Variants in COQ10B observed in about 807,000 individuals in gnomAD.
The protein encoded by COQ10B is coenzyme Q-binding protein COQ10 homolog B, mitochondrial.
COQ10B carries 12 observed loss-of-function variants against 27.6 expected under a neutral mutation model. That is an observed-to-expected ratio of 0.43 (90% CI 0.28 to 0.70). The LOEUF is 0.70. Ranked by LOEUF, COQ10B falls within the 30% of genes least tolerant of loss-of-function variation. The pLI is 0.17. For synonymous variants in COQ10B, 115 were observed against 103.0 expected (o/e 1.12, Z -0.71); for missense variants, 278 against 288.7 (o/e 0.96, Z 0.27).
At position 197,474,403 on chromosome 2, in the gene COQ10B, G is replaced by C. The variant is rs1366189259; in HGVS notation, c.*479G>C. ...ATCATATATTTAAAGTAAAAACTTT[G>C]GGCTGGGCACAGTGGCTCACACCTG... On this transcript the variant is annotated 3_prime_UTR_variant, in exon 5 of 5. Transcript: ENST00000263960. 6.6e-6 allele frequency: 1 copy of C among 152,198 alleles called. No individual in the cohort carries two copies. Among genetic ancestry groups the C allele is most frequent in the African/African-American group, 2.4e-5 (1 of 41,410 alleles). 9.4% of individuals were successfully genotyped at this position (152,198 alleles called of 1,614,324 possible).
At chr2:197,472,187 T>C (rs1010709870) in intron 4 of COQ10B, among the ~76,000 whole-genome samples, 1 of 152,102 alleles carries the variant, frequency 6.6e-6, no homozygotes, top group Non-Finnish European at 1.5e-5. Context: ...ATAAACATTT[T>C]AATATTTAGA....
At chr2:197,457,610 G>A (rs1424605086) in intron 1 of COQ10B, among the ~76,000 whole-genome samples, 3 of 150,852 alleles carry the variant, frequency 2.0e-5, no homozygotes, top group Non-Finnish European at 4.4e-5. Flanking sequence ...CAGTTTATGT[G>A]TCTTTTCAAT....
At position 197,465,321 on chromosome 2, in the gene COQ10B, G is replaced by A. The variant is rs568575833; in HGVS notation, c.447+2590G>A. ...TTTTTTTCCTTTGAGACAGAGTCTTGCTCTGTTGCCCAGGCTGCAGTACAG... is the reference window on the plus strand; with the variant it reads ...TTTTTTTCCTTTGAGACAGAGTCTTACTCTGTTGCCCAGGCTGCAGTACAG... On this transcript the variant is annotated intron_variant, in intron 3 of 4. Coordinates refer to ENST00000263960, the MANE Select transcript of COQ10B (RefSeq NM_025147.5). 5.0e-5 allele frequency among the ~76,000 whole-genome samples: 7 copies of A among 140,714 alleles called. No homozygotes were observed. The East Asian group carries it at 1.3e-3, about 26-fold the overall frequency. 92.3% of individuals were successfully genotyped at this position (140,714 alleles called of 152,430 possible). A position where few individuals can be genotyped will look rare whatever the true frequency, so the allele number is the denominator to read the frequency against.
intron 1 of COQ10B, among the ~76,000 whole-genome samples, chr2:197,456,786 AT>A (rs1238312056): frequency 1.3e-5 from 2 of 152,114 alleles, no homozygotes; most frequent in Admixed American, 6.6e-5. Flanking sequence ...TAAGTAAAAA[AT>A]AAATTAAAAA....
In COQ10B at chr2:197,473,415, A is replaced by AAAT. The variant is rs1229206676; in HGVS notation, c.550-341_550-340insATA. On this transcript the variant is annotated intron_variant, in intron 4 of 4. Coordinates refer to ENST00000263960, the MANE Select transcript of COQ10B (RefSeq NM_025147.5). ...CGCCCCCCCCCACAAAAAAAAAAAA[A>AAAT]ATATATATATATATATATATATATA... 8.6e-3 allele frequency among the ~76,000 whole-genome samples: 510 copies of AAAT among 59,422 alleles called. 6 individuals are homozygous for AAAT. The highest frequency in any genetic ancestry group is 0.012 in the Non-Finnish European group (417 of 34,144). 39.0% of individuals were successfully genotyped at this position (59,422 alleles called of 152,430 possible).
intron 1 of COQ10B, chr2:197,454,187 A>C: frequency 6.8e-7 from 1 of 1,472,326 alleles, no homozygotes; most frequent in Non-Finnish European, 9.2e-7. Context: ...GGATTTTTTC[A>C]CTCTGCTGTA....
At chr2:197,466,370 C>T (rs1393497637) in intron 3 of COQ10B, among the ~76,000 whole-genome samples, 1 of 152,178 alleles carries the variant, frequency 6.6e-6, no homozygotes, top group African/African-American at 2.4e-5. Context: ...TTCTCTCTTT[C>T]CTTTCATATT....
chr2:197,468,036 A>G (rs1040694685), intron 3 of COQ10B, among the ~76,000 whole-genome samples: 81 of 152,222 alleles, frequency 5.3e-4, no homozygotes, highest in African/African-American at 1.8e-3. Context: ...CTCTGCTCTT[A>G]GAAATGAGGT....
At chr2:197,464,139 G>A (rs914921305) in intron 3 of COQ10B, among the ~76,000 whole-genome samples, 3 of 148,326 alleles carry the variant, frequency 2.0e-5, no homozygotes, top group African/African-American at 7.5e-5. Context: ...CCAAGTACCA[G>A]GTACTGAAAT....
intron 3 of COQ10B, among the ~76,000 whole-genome samples, chr2:197,463,996 T>TATATAC (rs1553574096): frequency 3.0e-5 from 1 of 32,852 alleles, no homozygotes; most frequent in Non-Finnish European, 5.0e-5. Flanking sequence ...TATATATATA[T>TATATAC]ACACACACAC....
Position 197,454,018 on chromosome 2 carries a change from G to A in COQ10B, c.104+354G>A, listed in dbSNP as rs570079327. 15 of 1,551,246 alleles carry A rather than the reference G, an allele frequency of 9.7e-6. No individual in the cohort carries two copies. In the South Asian group the frequency reaches 1.7e-4, roughly 17 times the overall value. ...TTAACTTTGCGCAGAAGGGTTGCCG[G>A]CTGCTGGCTGTATGGGAGTTTGTGT... is the stretch of plus-strand genomic sequence containing the variant. On this transcript the variant is annotated intron_variant, in intron 1 of 4. Coordinates refer to ENST00000263960, the MANE Select transcript of COQ10B (RefSeq NM_025147.5).
intron 4 of COQ10B, among the ~76,000 whole-genome samples, chr2:197,472,233 G>C (rs902759856): frequency 6.6e-6 from 1 of 151,904 alleles, no homozygotes; most frequent in Non-Finnish European, 1.5e-5. Context: ...TCTCAAACCA[G>C]TTGTCTTGAA....
chr2:197,458,659 C>T (rs951001998), intron 1 of COQ10B, among the ~76,000 whole-genome samples: 4 of 151,098 alleles, frequency 2.6e-5, no homozygotes, highest in African/African-American at 7.3e-5. Flanking sequence ...CAAATAGTTA[C>T]GTAATAATCT....
At chr2:197,453,892 A>T (rs1031370632) in intron 1 of COQ10B, 1 of 1,451,772 alleles carries the variant, frequency 6.9e-7, no homozygotes, top group African/African-American at 1.4e-5. Flanking sequence ...AGAGGCGGTG[A>T]ATCATCGGCG....
chr2:197,473,651 A>C, intron 4 of COQ10B, 106 bp from the exon 5 acceptor site: 1 of 757,514 alleles, frequency 1.3e-6, no homozygotes, highest in Admixed American at 3.5e-5. Flanking sequence ...GTGCCACTGC[A>C]CTCCAACCTG....
chr2:197,469,215 T>G (rs1487450660), intron 3 of COQ10B, among the ~76,000 whole-genome samples: 2 of 152,122 alleles, frequency 1.3e-5, no homozygotes, highest in African/African-American at 4.8e-5. Flanking sequence ...TTAAATTTTT[T>G]TCGAAGAGAC....
At chr2:197,455,694 T>G (rs576445011) in intron 1 of COQ10B, among the ~76,000 whole-genome samples, 1 of 151,864 alleles carries the variant, frequency 6.6e-6, no homozygotes, top group Non-Finnish European at 1.5e-5. Context: ...ACACAGTGAC[T>G]CACACCTGTA....
At chr2:197,472,248 A>G (rs1312669418) in intron 4 of COQ10B, among the ~76,000 whole-genome samples, 2 of 152,224 alleles carry the variant, frequency 1.3e-5, no homozygotes, top group South Asian at 2.1e-4. Flanking sequence ...CTTGAATTCT[A>G]TATGGAACAA....
intron 3 of COQ10B, among the ~76,000 whole-genome samples, chr2:197,467,985 AG>A: frequency 6.6e-6 from 1 of 152,352 alleles, no homozygotes; most frequent in East Asian, 1.9e-4. Context: ...CAGAACAGTC[AG>A]TAGTAGGTCA....
Sources: allele counts gnomAD v4.1 joint callset (sites outside exome capture counted in the v4.1 genomes callset), GRCh38; gene constraint gnomAD v4.1.1; transcripts MANE v1.5; gene names NCBI Gene and HGNC (gene_info 2026-07-23, HGNC 2026-07-21).